Variants in AAGAB observed in about 807,000 individuals in gnomAD.
The protein encoded by AAGAB is alpha and gamma adaptin binding protein.
Under a neutral mutation model 44.1 loss-of-function variants are expected in AAGAB, and 38 were observed. The observed-to-expected ratio is 0.86, with a 90% CI of 0.67 to 1.13. AAGAB has a LOEUF of 1.13. Among genes scored for constraint, AAGAB ranks in the 50% most tolerant of loss-of-function variants. The pLI, the probability that AAGAB is intolerant of heterozygous loss-of-function variation, is 0.00. For missense variants in AAGAB, 450 were observed against 373.8 expected, an observed-to-expected ratio of 1.20 and a Z score of -1.68; for synonymous variants, 131 against 131.8, an observed-to-expected ratio of 0.99 and a Z score of 0.04.
At position 67,208,587 on chromosome 15, in the gene AAGAB, T is replaced by C. The variant is rs770626942; in HGVS notation, c.690A>G (p.Thr230=). 6.2e-7 allele frequency: 1 copy of C among 1,614,182 alleles called. No homozygotes were observed. The highest frequency in any genetic ancestry group is 1.7e-5 in the Admixed American group (1 of 60,022). Residue 230 remains threonine, a synonymous_variant, in exon 7 of 10, where the codon ACA becomes ACG. Coordinates refer to ENST00000261880, the MANE Select transcript of AAGAB (RefSeq NM_024666.5). The stretch of plus-strand genomic sequence containing the variant: ...CCACAATGCTATCAACCTGGGCATC[T>C]GTTGTGTTAGATGCACCACCCCGAT... ...SDHRGGASNT[T]DAQVDSIVDP...
upstream of AAGAB, chr15:67,255,011 C>A (rs3743348): frequency 7.1e-4 from 1,056 of 1,495,368 alleles, 14 homozygotes; most frequent in East Asian, 0.016. Flanking sequence ...CGAGGTCCCG[C>A]GCGCCGATTC....
chr15:67,255,006 T>A, upstream of AAGAB: 5 of 1,537,718 alleles, frequency 3.3e-6, no homozygotes, highest in Non-Finnish European at 4.5e-6. Flanking sequence ...CCGAGCGAGG[T>A]CCCGCGCGCC....
At chr15:67,230,046 G>A (rs1964299897) in intron 5 of AAGAB, among the ~76,000 whole-genome samples, 2 of 151,762 alleles carry the variant, frequency 1.3e-5, no homozygotes, top group African/African-American at 4.8e-5. Context: ...CAGAGACGGG[G>A]TAGCACAATG....
chr15:67,254,620 G>T lies in AAGAB; in HGVS notation c.12C>A (p.Gly4=). Residue 4 remains glycine, a synonymous_variant, in exon 1 of 10, where the codon GGC becomes GGA. Coordinates refer to ENST00000261880, the MANE Select transcript of AAGAB (RefSeq NM_024666.5). ...AGCTGGTGACTAACGCACAGGGTAC[G>T]CCAGCAGCCATAGCTGCGCTCGCGA... MAA[G]VPCALVTSCS... is the part of the protein sequence containing the mutation. 1.2e-6 allele frequency: 2 copies of T among 1,602,862 alleles called. No homozygotes were observed. The highest frequency in any genetic ancestry group is 2.2e-5 in the South Asian group (2 of 89,666).
rs1367738219 is a variant in AAGAB, at chr15:67,222,242, G to GCGCGCACACA, written c.535+9571_535+9572insTGTGTGCGCG. Among the ~76,000 whole-genome samples, 283 of 90,110 alleles carry GCGCGCACACA rather than the reference G, an allele frequency of 3.1e-3. 2 individuals are homozygous for GCGCGCACACA. Among genetic ancestry groups the GCGCGCACACA allele is most frequent in the Admixed American group, 4.5e-3 (32 of 7,050 alleles). 59.1% of individuals were successfully genotyped at this position (90,110 alleles called of 152,430 possible). On this transcript the variant is annotated intron_variant, in intron 5 of 9. Transcript: ENST00000261880. ...TGCATGCACGCGCACGCGCGCGCGCGCACACACACACACACACACACACAC... is the reference window on the plus strand; with the variant it reads ...TGCATGCACGCGCACGCGCGCGCGCGCGCGCACACACACACACACACACACACACACACAC...
At chr15:67,240,477 A>T (rs1363731583) in intron 1 of AAGAB, among the ~76,000 whole-genome samples, 1 of 152,196 alleles carries the variant, frequency 6.6e-6, no homozygotes, top group Non-Finnish European at 1.5e-5. Context: ...TTAAGAGACA[A>T]ACACTAGGTG....
At chr15:67,223,769 T>C (rs1256721013) in intron 5 of AAGAB, among the ~76,000 whole-genome samples, 1 of 152,208 alleles carries the variant, frequency 6.6e-6, no homozygotes, top group Non-Finnish European at 1.5e-5. Flanking sequence ...GTTATTATGA[T>C]GGCCTTCAAA....
In AAGAB at chr15:67,202,583, A is replaced by G. The variant is rs1963591569; in HGVS notation, c.*238T>C. On this transcript the variant is annotated 3_prime_UTR_variant, in exon 10 of 10. Coordinates refer to ENST00000261880, the MANE Select transcript of AAGAB (RefSeq NM_024666.5). Reference sequence around the variant, plus strand: ...CTCATTCCTAGAACAAAAAAAAAGTATATTTAAGAAATCCTCACTCATTAC... The same window carrying G: ...CTCATTCCTAGAACAAAAAAAAAGTGTATTTAAGAAATCCTCACTCATTAC... 2 of 493,502 alleles carry G rather than the reference A, an allele frequency of 4.1e-6. No individual in the cohort carries two copies. Among genetic ancestry groups the G allele is most frequent in the Non-Finnish European group, 7.2e-6 (2 of 277,708 alleles). 30.6% of individuals were successfully genotyped at this position (493,502 alleles called of 1,614,324 possible).
At chr15:67,231,641 G>A (rs1489505945) in intron 5 of AAGAB, among the ~76,000 whole-genome samples, 173 bp downstream of exon 5, 1 of 152,120 alleles carries the variant, frequency 6.6e-6, no homozygotes, top group African/African-American at 2.4e-5. Context: ...ACTATTAAAC[G>A]TATATGAAAA....
In AAGAB at chr15:67,222,485, GCCT is replaced by G. The variant is rs538415575; in HGVS notation, c.535+9326_535+9328del. ...TTCTGCCCTCTCAACTGACATCCTGGCCTCCTACTTCACTGAGAAAATTTATGC... is the reference window on the plus strand; with the variant it reads ...TTCTGCCCTCTCAACTGACATCCTGGCCTACTTCACTGAGAAAATTTATGC... On this transcript the variant is annotated intron_variant, in intron 5 of 9. Coordinates refer to ENST00000261880, the MANE Select transcript of AAGAB (RefSeq NM_024666.5). 6.4e-4 allele frequency among the ~76,000 whole-genome samples: 97 copies of G among 151,708 alleles called. 1 individual carries two copies. Among genetic ancestry groups the G allele is most frequent in the Admixed American group, 4.3e-3 (66 of 15,252 alleles).
In AAGAB at chr15:67,242,474, G is replaced by A. The variant is rs1329567145; in HGVS notation, c.74-5654C>T. Among the ~76,000 whole-genome samples the A allele has an allele frequency of 2.1e-5, 3 of 145,790 alleles. 1 individual carries two copies. The highest frequency in any genetic ancestry group is 4.3e-4 in the South Asian group (2 of 4,660). On this transcript the variant is annotated intron_variant, in intron 1 of 9. Coordinates refer to ENST00000261880, the MANE Select transcript of AAGAB (RefSeq NM_024666.5). ...AAAAAAAAAAAAAAAAAATCATATCGGATTCATACTGTTGCAAGCAATTAC... is the reference window on the plus strand; with the variant it reads ...AAAAAAAAAAAAAAAAAATCATATCAGATTCATACTGTTGCAAGCAATTAC...
Position 67,209,481 on chromosome 15 carries a change from G to A in AAGAB, c.599C>T (p.Ala200Val), listed in dbSNP as rs1162497942. The A allele has an allele frequency of 1.2e-6, 2 of 1,614,088 alleles. No individual in the cohort carries two copies. Among genetic ancestry groups the A allele is most frequent in the Non-Finnish European group, 1.7e-6 (2 of 1,179,932 alleles). ...CTTTACCTCTGGGTGACAGGGATCT[G>A]CTGACCCAATGCTATGGTTTGTTCC... is the stretch of plus-strand genomic sequence containing the variant. ...LTGTNHSIGS[A>V]DPCHPEQPHL... Residue 200 changes from alanine (A) to valine (V), a missense_variant, in exon 6 of 10, where the codon GCA becomes GTA. Transcript: ENST00000261880.
intron 5 of AAGAB, chr15:67,226,597 T>C (rs981982360): frequency 1.3e-5 from 2 of 152,292 alleles, no homozygotes; most frequent in Non-Finnish European, 2.9e-5. Flanking sequence ...TTACAAATAT[T>C]TTCCCTCATT....
chr15:67,253,384 CGCCACT>C (rs1596025814), intron 1 of AAGAB, among the ~76,000 whole-genome samples: 1 of 151,448 alleles, frequency 6.6e-6, no homozygotes, highest in East Asian at 1.9e-4. Flanking sequence ...GCCGAGATAA[CGCCACT>C]GCACTACAGC....
chr15:67,232,007 A>G lies in AAGAB; in HGVS notation c.452-110T>C, dbSNP rs1964349090. On this transcript the variant is annotated intron_variant, in intron 4 of 9. Transcript: ENST00000261880. ...GGTGGCTCATGCCTGTAATCCCAGC[A>G]CTTTGGGAGGCCAAGGAGGGCAGAT... 4.8e-6 allele frequency: 4 copies of G among 839,884 alleles called. No individual in the cohort carries two copies. The East Asian group carries it at 9.2e-5, about 19-fold the overall frequency. 52.0% of individuals were successfully genotyped at this position (839,884 alleles called of 1,614,324 possible).
At chr15:67,222,561 G>C (rs1398378974) in intron 5 of AAGAB, among the ~76,000 whole-genome samples, 1 of 151,984 alleles carries the variant, frequency 6.6e-6, no homozygotes, top group African/African-American at 2.4e-5. Flanking sequence ...TCCCCACTGA[G>C]CCACATTTGC....
chr15:67,223,607 T>C (rs992334926), intron 5 of AAGAB, among the ~76,000 whole-genome samples: 1 of 152,182 alleles, frequency 6.6e-6, no homozygotes, highest in Non-Finnish European at 1.5e-5. Context: ...AATATTGTAA[T>C]AGGCCCCTAA....
chr15:67,236,540 GAA>G (rs764063999), intron 2 of AAGAB, 36 bp from the exon 3 acceptor site: 27 of 1,607,882 alleles, frequency 1.7e-5, no homozygotes, highest in Non-Finnish European at 2.2e-5. Flanking sequence ...AACAAAAACA[GAA>G]AAGAGATAGT....
chr15:67,224,827 C>T lies in AAGAB; in HGVS notation c.535+6987G>A, dbSNP rs141773178. On this transcript the variant is annotated intron_variant, in intron 5 of 9. Coordinates refer to ENST00000261880, the MANE Select transcript of AAGAB (RefSeq NM_024666.5). ...AACTCCTGGCCTCTACTGATCTGCC[C>T]AACTTGGCCTCCGAAAGTGCTGGGA... Among the ~76,000 whole-genome samples, 1,317 of 152,172 alleles carry T rather than the reference C, an allele frequency of 8.7e-3. 17 individuals carry two copies. Among genetic ancestry groups the T allele is most frequent in the African/African-American group, 0.029 (1,191 of 41,512 alleles).
Sources: allele counts gnomAD v4.1 joint callset (sites outside exome capture counted in the v4.1 genomes callset), GRCh38; gene constraint gnomAD v4.1.1; transcripts MANE v1.5; gene names NCBI Gene and HGNC (gene_info 2026-07-23, HGNC 2026-07-21).